MEGF11: variants seen among roughly 807,000 people sequenced by gnomAD.
MEGF11 encodes multiple EGF like domains 11.
In MEGF11, 126 loss-of-function variants were observed where a neutral mutation model predicts 146.6. That is an observed-to-expected ratio of 0.86 (90% CI 0.74 to 1.00). The LOEUF is 1.00. Among genes scored for constraint, MEGF11 ranks in the 50% least tolerant of loss-of-function variants. The pLI, the probability that MEGF11 is intolerant of heterozygous loss-of-function variation, is 0.00. For synonymous variants in MEGF11, 532 were observed against 583.4 expected, an observed-to-expected ratio of 0.91 and a Z score of 1.27; for missense variants, 1,509 against 1,521.2, an observed-to-expected ratio of 0.99 and a Z score of 0.13.
At chr15:66,003,887 C>T (rs1037001192) in intron 5 of MEGF11, among the ~76,000 whole-genome samples, 2 of 152,164 alleles carry the variant, frequency 1.3e-5, no homozygotes, top group Non-Finnish European at 2.9e-5. Flanking sequence ...GCTCCTGCAC[C>T]CACAGTCCTG....
intron 5 of MEGF11, among the ~76,000 whole-genome samples, chr15:66,050,531 TGA>T (rs1459437802): frequency 6.6e-6 from 1 of 151,780 alleles, no homozygotes; most frequent in Non-Finnish European, 1.5e-5. Context: ...TAGCAATGAG[TGA>T]GAGAGGTGGG....
At position 66,071,039 on chromosome 15, in the gene MEGF11, G is replaced by A. The variant is rs868344057; in HGVS notation, c.394+23363C>T. 6.6e-5 allele frequency among the ~76,000 whole-genome samples: 10 copies of A among 152,044 alleles called. No homozygotes were observed. The South Asian group carries it at 1.0e-3, about 16-fold the overall frequency. On this transcript the variant is annotated intron_variant, in intron 5 of 25. Transcript: ENST00000395614. ...TATCTTGGTGGCACTTAGAGACTGC[G>A]TTGTCCCATATTCTTCATTCTATTC...
chr15:66,079,298 C>T (rs2085732952), intron 5 of MEGF11, among the ~76,000 whole-genome samples: 1 of 152,188 alleles, frequency 6.6e-6, no homozygotes, highest in Non-Finnish European at 1.5e-5. Flanking sequence ...TCCTGGTGGG[C>T]ATCTGTTGTG....
At chr15:66,069,668 T>C (rs1385718513) in intron 5 of MEGF11, among the ~76,000 whole-genome samples, 5 of 152,240 alleles carry the variant, frequency 3.3e-5, no homozygotes, top group Non-Finnish European at 7.3e-5. Context: ...ATTATTATAG[T>C]ATCATCCTAG....
chr15:65,901,051 C>T (rs1478449097), intron 24 of MEGF11, among the ~76,000 whole-genome samples: 1 of 152,172 alleles, frequency 6.6e-6, no homozygotes, highest in Non-Finnish European at 1.5e-5. Flanking sequence ...TGTATGGAGA[C>T]CCCATGTGCA....
intron 8 of MEGF11, among the ~76,000 whole-genome samples, chr15:65,966,185 G>A (rs1386369630): frequency 1.3e-5 from 2 of 152,082 alleles, no homozygotes; most frequent in African/African-American, 2.4e-5. Flanking sequence ...TACTAGAGAC[G>A]GGGTTTCACC....
At chr15:65,926,152 T>A (rs1292012725) in intron 13 of MEGF11, among the ~76,000 whole-genome samples, 1 of 152,238 alleles carries the variant, frequency 6.6e-6, no homozygotes, top group Non-Finnish European at 1.5e-5. Flanking sequence ...GGGCACAAGG[T>A]AGCTGCCAAT....
intron 1 of MEGF11, among the ~76,000 whole-genome samples, chr15:66,202,256 C>T (rs1268427726): frequency 6.6e-6 from 1 of 152,196 alleles, no homozygotes; most frequent in Non-Finnish European, 1.5e-5. Flanking sequence ...GTACACACAC[C>T]ACACAGGCAG....
Position 65,982,242 on chromosome 15 carries a change from T to C in MEGF11, c.641A>G (p.Tyr214Cys), listed in dbSNP as rs1414280241. 7.6e-7 allele frequency: 1 copy of C among 1,323,404 alleles called. No individual in the cohort carries two copies. The highest frequency in any genetic ancestry group is 9.9e-7 in the Non-Finnish European group (1 of 1,007,928). 82.0% of individuals were successfully genotyped at this position (1,323,404 alleles called of 1,614,324 possible). A position where few individuals can be genotyped will look rare whatever the true frequency, so the allele number is the denominator to read the frequency against. Residue 214 changes from tyrosine to cysteine, a missense_variant and splice_region_variant, in exon 6 of 26, where the codon TAC (tyrosine) becomes TGC (cysteine). Tyr to Cys is a radical substitution (Grantham distance 194, BLOSUM62 -2). Transcript: ENST00000395614. The surrounding 1 kb of genome is among the most constrained non-coding windows in gnomAD (Gnocchi z 5.6). Reference sequence around the variant, plus strand: ...CTCCAGGTCCTGCCGCATGACTCACTAGACGCCGGTGTAGCCAGGTGCGCA... The same window carrying C: ...CTCCAGGTCCTGCCGCATGACTCACCAGACGCCGGTGTAGCCAGGTGCGCA... The part of the protein sequence containing the change: ...CLCAPGYTGV[Y>C]CEELCPPGSH...
intron 7 of MEGF11, 29 bp downstream of exon 7, chr15:65,980,749 C>T: frequency 1.3e-6 from 2 of 1,568,566 alleles, no homozygotes; most frequent in Non-Finnish European, 1.7e-6. Flanking sequence ...CCCTCCAGTG[C>T]CCCACCCAGA....
intron 5 of MEGF11, among the ~76,000 whole-genome samples, chr15:66,024,618 C>T (rs1207922559): frequency 1.3e-5 from 2 of 152,146 alleles, no homozygotes; most frequent in Non-Finnish European, 2.9e-5. Context: ...GGTGGTGTTG[C>T]CCCATCTTGC....
chr15:66,191,825 C>T (rs2090889346), intron 1 of MEGF11, among the ~76,000 whole-genome samples: 1 of 152,182 alleles, frequency 6.6e-6, no homozygotes, highest in Admixed American at 6.5e-5. Context: ...CCTGTAATCC[C>T]AGCACTTTGG....
chr15:66,023,947 T>C (rs1385446426), intron 5 of MEGF11, among the ~76,000 whole-genome samples: 2 of 151,862 alleles, frequency 1.3e-5, no homozygotes, highest in Non-Finnish European at 2.9e-5. Flanking sequence ...GGGTTGCCAG[T>C]GGTGGGCTGA....
intron 3 of MEGF11, 125 bp from the exon 4 acceptor site, chr15:66,119,311 T>A (rs2087899099): frequency 1.5e-6 from 1 of 669,958 alleles, no homozygotes; most frequent in Admixed American, 2.7e-5. Context: ...CATGGCGACT[T>A]CAAATATGAA....
chr15:66,060,297 C>G (rs2084849738), intron 5 of MEGF11, among the ~76,000 whole-genome samples: 1 of 152,114 alleles, frequency 6.6e-6, no homozygotes, highest in Non-Finnish European at 1.5e-5. Flanking sequence ...ATGGAGCAAG[C>G]ACCAAAGCCT....
At chr15:66,190,585 T>C (rs2090842124) in intron 1 of MEGF11, among the ~76,000 whole-genome samples, 1 of 151,650 alleles carries the variant, frequency 6.6e-6, no homozygotes, top group East Asian at 1.9e-4. Flanking sequence ...AGGAAGAGGG[T>C]TTGTAGGTGG....
intron 1 of MEGF11, among the ~76,000 whole-genome samples, chr15:66,174,471 C>T (rs945001857): frequency 6.6e-5 from 10 of 152,268 alleles, no homozygotes; most frequent in African/African-American, 1.9e-4. Flanking sequence ...TCAACCCTGC[C>T]GCTTAGCCCT....
intron 1 of MEGF11, among the ~76,000 whole-genome samples, chr15:66,162,854 A>AG (rs1399879528): frequency 6.6e-6 from 1 of 152,004 alleles, no homozygotes; most frequent in East Asian, 1.9e-4. Context: ...GAAATGAGAG[A>AG]GAAAAAAAAG....
At chr15:66,192,758 T>C (rs968655180) in intron 1 of MEGF11, among the ~76,000 whole-genome samples, 10 of 152,324 alleles carry the variant, frequency 6.6e-5, no homozygotes, top group African/African-American at 2.4e-4. Flanking sequence ...GGAGCCAGCA[T>C]TACTGTGAAT....
Sources: allele counts gnomAD v4.1 joint callset (sites outside exome capture counted in the v4.1 genomes callset), GRCh38; gene constraint gnomAD v4.1.1; non-coding constraint Gnocchi (gnomAD v3.1); transcripts MANE v1.5; gene names NCBI Gene and HGNC (gene_info 2026-07-23, HGNC 2026-07-21).